Variants in MED22 observed in about 807,000 individuals in gnomAD.
The protein encoded by MED22 is mediator of RNA polymerase II transcription subunit 22.
A neutral mutation model predicts 22.7 loss-of-function variants in MED22; 22 were observed. The observed-to-expected ratio is 0.97, with a 90% CI of 0.69 to 1.38. MED22 has a LOEUF of 1.38. Among genes scored for constraint, MED22 ranks in the 40% most tolerant of loss-of-function variants. The pLI, the probability that MED22 is intolerant of heterozygous loss-of-function variation, is 0.00. For synonymous variants in MED22, 134 were observed against 119.4 expected (o/e 1.12, Z -0.80); for missense variants, 247 against 263.0 (o/e 0.94, Z 0.42).
intron 4 of MED22, chr9:133,343,466 T>C (rs2129956866): frequency 2.4e-5 from 30 of 1,230,872 alleles, no homozygotes; most frequent in Middle Eastern, 3.1e-4. Flanking sequence ...CCCACAAGGG[T>C]CAGGATGATG....
chr9:133,348,098 T>C lies in MED22; in HGVS notation c.-215A>G. ...AAACCTAGTCAGCCGCCGCAGCCTC[T>C]CGGCCCCGCCTCGATTTTTAGCTTT... is the stretch of plus-strand genomic sequence containing the variant. On this transcript the variant is annotated 5_prime_UTR_variant, in exon 1 of 5. Transcript: ENST00000343730. 1 of 1,217,876 alleles carries C rather than the reference T, an allele frequency of 8.2e-7. No homozygotes were observed. Among genetic ancestry groups the C allele is most frequent in the Non-Finnish European group, 1.2e-6 (1 of 832,290 alleles). The allele number at this position is 1,217,876 out of a possible 1,614,324, so 75.4% of individuals were successfully genotyped here. A position where few individuals can be genotyped will look rare whatever the true frequency, so the allele number is the denominator to read the frequency against.
In MED22 at chr9:133,348,005, TTCCCGCGTCTC is replaced by T. The variant is rs1255704178; in HGVS notation, c.-133_-123del. On this transcript the variant is annotated 5_prime_UTR_variant, in exon 1 of 5. Coordinates refer to ENST00000343730, the MANE Select transcript of MED22 (RefSeq NM_133640.5). The stretch of plus-strand genomic sequence containing the variant: ...GTCAAGTGCCTCTGCGACCCGCACT[TTCCCGCGTCTC>T]TCCCACGGCCTGGCCCTCCCGCCGC... 4 of 592,336 alleles carry T rather than the reference TTCCCGCGTCTC, an allele frequency of 6.8e-6. No homozygotes were observed. The highest frequency in any genetic ancestry group is 1.2e-5 in the Non-Finnish European group (4 of 332,900). The allele number at this position is 592,336 out of a possible 1,614,324, so 36.7% of individuals were successfully genotyped here.
chr9:133,345,308 G>A (rs1235547641), intron 2 of MED22, 56 bp from the exon 3 acceptor site: 2 of 1,554,608 alleles, frequency 1.3e-6, no homozygotes, highest in East Asian at 2.3e-5. Flanking sequence ...CCCCACCCCT[G>A]GCCCGGCCCA....
chr9:133,341,730 A>G (rs1836010948), intron 4 of MED22, 36 bp from the exon 5 acceptor site: 1 of 1,588,572 alleles, frequency 6.3e-7, no homozygotes, highest in Non-Finnish European at 8.5e-7. Flanking sequence ...GAGAGACAGG[A>G]GCAGGCAGAG....
rs1023060956 is a variant in MED22 at position 133,341,253 on chromosome 9, G to A, written c.*252C>T. ...CTTGGAAACTTTCTTCCACCTGGCTGGCCAGGAAGGCAGCAAACAGAGATG... is the reference window on the plus strand; with the variant it reads ...CTTGGAAACTTTCTTCCACCTGGCTAGCCAGGAAGGCAGCAAACAGAGATG... On this transcript the variant is annotated 3_prime_UTR_variant, in exon 5 of 5. Coordinates refer to ENST00000343730, the MANE Select transcript of MED22 (RefSeq NM_133640.5). 1 of 405,086 alleles carries A rather than the reference G, an allele frequency of 2.5e-6. No homozygotes were observed. Among genetic ancestry groups the A allele is most frequent in the Non-Finnish European group, 4.3e-6 (1 of 231,110 alleles). 25.1% of individuals were successfully genotyped at this position (405,086 alleles called of 1,614,324 possible). A position where few individuals can be genotyped will look rare whatever the true frequency, so the allele number is the denominator to read the frequency against.
intron 1 of MED22, among the ~76,000 whole-genome samples, 158 bp from the exon 2 acceptor site, chr9:133,346,858 C>T (rs2129970282): frequency 4.6e-5 from 7 of 152,190 alleles, no homozygotes; most frequent in Non-Finnish European, 5.9e-5. Context: ...CAGCAGACAC[C>T]GCAGGGGGTG....
At position 133,346,529 on chromosome 9, in the gene MED22, C is replaced by A. The variant is rs2129968547; in HGVS notation, c.123+11G>T. 2.5e-5 allele frequency: 40 copies of A among 1,612,070 alleles called. No homozygotes were observed. The highest frequency in any genetic ancestry group is 3.3e-5 in the Non-Finnish European group (39 of 1,179,900). ...GACTCTGCTCCCCTTGGTGGGCCAC[C>A]CCACCCCCACCTTGGCGGTCTTGAT... On this transcript the variant is annotated intron_variant, in intron 2 of 4. Coordinates refer to ENST00000343730, the MANE Select transcript of MED22 (RefSeq NM_133640.5).
In MED22 at chr9:133,341,354, C is replaced by T; in HGVS notation, c.*151G>A. The T allele has an allele frequency of 1.2e-6, 1 of 804,346 alleles. No individual in the cohort carries two copies. The highest frequency in any genetic ancestry group is 1.8e-6 in the Non-Finnish European group (1 of 552,828). The allele number at this position is 804,346 out of a possible 1,614,324, so 49.8% of individuals were successfully genotyped here. A position where few individuals can be genotyped will look rare whatever the true frequency, so the allele number is the denominator to read the frequency against. Reference sequence around the variant, plus strand: ...CCCTACTGTCCTGGCGGGACCCACCCTGGGCTAACGGGCTTCCCAAGGAAG... The same window carrying T: ...CCCTACTGTCCTGGCGGGACCCACCTTGGGCTAACGGGCTTCCCAAGGAAG... On this transcript the variant is annotated 3_prime_UTR_variant, in exon 5 of 5. Transcript: ENST00000343730.
In MED22 at chr9:133,339,108, T is replaced by G; in HGVS notation, c.*2397A>C. On this transcript the variant is annotated 3_prime_UTR_variant, in exon 5 of 5. Transcript: ENST00000343730. ...CAAATTGATGAGAAAGGTGATATTGTAGATATCAAGGGAATGGGTACTGTT... is the reference window on the plus strand; with the variant it reads ...CAAATTGATGAGAAAGGTGATATTGGAGATATCAAGGGAATGGGTACTGTT... The G allele has an allele frequency of 1.5e-6, 1 of 672,354 alleles. No individual in the cohort carries two copies. Among genetic ancestry groups the G allele is most frequent in the South Asian group, 1.4e-5 (1 of 73,278 alleles). The allele number at this position is 672,354 out of a possible 1,614,324, so 41.6% of individuals were successfully genotyped here. A position where few individuals can be genotyped will look rare whatever the true frequency, so the allele number is the denominator to read the frequency against.
intron 1 of MED22, chr9:133,347,175 C>T: frequency 6.5e-6 from 1 of 154,736 alleles, no homozygotes; most frequent in Non-Finnish European, 1.4e-5. Context: ...CCCTGCACTG[C>T]GGGCCCCGCT....
In MED22 at chr9:133,338,460, C is replaced by T. The variant is rs190819271; in HGVS notation, c.*3045G>A. 1 of 156,542 alleles carries T rather than the reference C, an allele frequency of 6.4e-6. No homozygotes were observed. Among genetic ancestry groups the T allele is most frequent in the Non-Finnish European group, 1.4e-5 (1 of 70,518 alleles). 9.7% of individuals were successfully genotyped at this position (156,542 alleles called of 1,614,324 possible). A position where few individuals can be genotyped will look rare whatever the true frequency, so the allele number is the denominator to read the frequency against. On this transcript the variant is annotated 3_prime_UTR_variant, in exon 5 of 5. Coordinates refer to ENST00000343730, the MANE Select transcript of MED22 (RefSeq NM_133640.5). Reference sequence around the variant, plus strand: ...AGCTGGGATTATAGGCATGGACCAGCACGCCCGGCTAATTTTTGTATTTTT... The same window carrying T: ...AGCTGGGATTATAGGCATGGACCAGTACGCCCGGCTAATTTTTGTATTTTT...
chr9:133,342,933 G>A lies in MED22; in HGVS notation c.413+1192C>T. On this transcript the variant is annotated intron_variant, in intron 4 of 4. Coordinates refer to ENST00000343730, the MANE Select transcript of MED22 (RefSeq NM_133640.5). ...GCTGCTCTGTGCAGGGGCCCTCAGG[G>A]ACGGTGGCTGCCTCAAAGAGACCGA... 7 of 985,706 alleles carry A rather than the reference G, an allele frequency of 7.1e-6. No homozygotes were observed. The South Asian group carries it at 2.8e-4, about 40-fold the overall frequency. The allele number at this position is 985,706 out of a possible 1,614,324, so 61.1% of individuals were successfully genotyped here.
At position 133,346,525 on chromosome 9, in the gene MED22, C is replaced by T; in HGVS notation, c.123+15G>A. The T allele has an allele frequency of 6.2e-7, 1 of 1,611,720 alleles. No individual in the cohort carries two copies. Among genetic ancestry groups the T allele is most frequent in the Non-Finnish European group, 8.5e-7 (1 of 1,179,774 alleles). ...CTCAGACTCTGCTCCCCTTGGTGGG[C>T]CACCCCACCCCCACCTTGGCGGTCT... On this transcript the variant is annotated intron_variant, in intron 2 of 4. Coordinates refer to ENST00000343730, the MANE Select transcript of MED22 (RefSeq NM_133640.5).
At position 133,338,824 on chromosome 9, in the gene MED22, C is replaced by A; in HGVS notation, c.*2681G>T. ...AAACTTCTGACCACAAGTGATCCAC[C>A]CGCTTTGGCTTCTCAAAGTGCTGGG... On this transcript the variant is annotated 3_prime_UTR_variant, in exon 5 of 5. Transcript: ENST00000343730. 2.6e-6 allele frequency: 1 copy of A among 386,858 alleles called. No individual in the cohort carries two copies. Among genetic ancestry groups the A allele is most frequent in the South Asian group, 2.1e-5 (1 of 48,398 alleles). The allele number at this position is 386,858 out of a possible 1,614,324, so 24.0% of individuals were successfully genotyped here.
chr9:133,347,954 C>T lies in MED22; in HGVS notation c.-71G>A. On this transcript the variant is annotated 5_prime_UTR_variant, in exon 1 of 5. Coordinates refer to ENST00000343730, the MANE Select transcript of MED22 (RefSeq NM_133640.5). Reference sequence around the variant, plus strand: ...AGCGCCCGCACACCAGACGCCGCGTCCGCCGGGTCGGCCTAGGGCGGGGTG... The same window carrying T: ...AGCGCCCGCACACCAGACGCCGCGTTCGCCGGGTCGGCCTAGGGCGGGGTG... 1 of 328,676 alleles carries T rather than the reference C, an allele frequency of 3.0e-6. No individual in the cohort carries two copies. Among genetic ancestry groups the T allele is most frequent in the Admixed American group, 4.7e-5 (1 of 21,130 alleles). 20.4% of individuals were successfully genotyped at this position (328,676 alleles called of 1,614,324 possible).
In MED22 at chr9:133,344,319, C is replaced by T; in HGVS notation, c.219G>A (p.Glu73=). 6.2e-7 allele frequency: 1 copy of T among 1,614,064 alleles called. No homozygotes were observed. ...GGTCGGACACCAGCTTCATCAGGGA[C>T]TCGCCGGCTCGGACCTGTGGCCATC... The part of the protein sequence containing the change: ...VRAANIVRAG[E]SLMKLVSDLK... Residue 73 remains glutamate, a synonymous_variant, in exon 4 of 5, where the codon GAG becomes GAA. Transcript: ENST00000343730.
rs1032787057 is a variant in MED22 at position 133,347,997 on chromosome 9, C to T, written c.-114G>A. 5.2e-6 allele frequency: 3 copies of T among 580,674 alleles called. No homozygotes were observed. In the Admixed American group the frequency reaches 8.6e-5, roughly 17 times the overall value. The allele number at this position is 580,674 out of a possible 1,614,324, so 36.0% of individuals were successfully genotyped here. On this transcript the variant is annotated 5_prime_UTR_variant, in exon 1 of 5. Transcript: ENST00000343730. ...GCGGGGTGGTCAAGTGCCTCTGCGA[C>T]CCGCACTTTCCCGCGTCTCTCCCAC...
At chr9:133,344,368 A>AG (rs1376811941) in intron 3 of MED22, 35 bp from the exon 4 acceptor site, 1 of 1,609,098 alleles carries the variant, frequency 6.2e-7, no homozygotes, top group Admixed American at 1.7e-5. Flanking sequence ...GCACAGGGTG[A>AG]GGGGGGACAG....
chr9:133,345,740 T>G (rs998541408), intron 2 of MED22, among the ~76,000 whole-genome samples: 2 of 152,090 alleles, frequency 1.3e-5, no homozygotes, highest in African/African-American at 4.8e-5. Context: ...AAGCCTGGCC[T>G]GCCACCCCTG....
Sources: gnomAD v4.1 joint callset for allele counts (sites outside exome capture counted in the v4.1 genomes callset) on GRCh38, gnomAD v4.1.1 for gene constraint, MANE v1.5 for transcripts, NCBI Gene and HGNC (gene_info 2026-07-23, HGNC 2026-07-21) for gene names.